The following CCBE1 variants were observed in gnomAD, a reference collection of about 807,000 sequenced individuals.
The protein encoded by CCBE1 is collagen and calcium-binding EGF domain-containing protein 1.
A neutral mutation model predicts 50.0 loss-of-function variants in CCBE1; 37 were observed. That is an observed-to-expected ratio of 0.74 (90% CI 0.57 to 0.97). The LOEUF is 0.97. Ranked by LOEUF, CCBE1 falls within the 50% of genes least tolerant of loss-of-function variation. The pLI is 0.00. For missense variants in CCBE1, 538 were observed against 523.8 expected (o/e 1.03, Z -0.26); for synonymous variants, 234 against 203.7 (o/e 1.15, Z -1.27).
Position 59,696,685 on chromosome 18 carries a change from G to C in CCBE1, c.156C>G (p.Ile52Met), listed in dbSNP as rs2288598. 1.9e-6 allele frequency: 3 copies of C among 1,614,030 alleles called. No homozygotes were observed. The highest frequency in any genetic ancestry group is 2.5e-6 in the Non-Finnish European group (3 of 1,179,946). Residue 52 changes from isoleucine to methionine, a missense_variant, in exon 2 of 11, where the codon ATC becomes ATG. Ile to Met is a conservative substitution (Grantham distance 10). Transcript: ENST00000439986. The stretch of plus-strand genomic sequence containing the variant: ...TCAGACACGGGTATTTAGTCGTCGC[G>C]ATTTTGCTCTCTGAGCAGATTTCTC... The part of the protein sequence containing the change: ...GDREICSESK[I>M]ATTKYPCLKS...
chr18:59,592,328 A>G (rs560255229), intron 2 of CCBE1, among the ~76,000 whole-genome samples: 5 of 152,370 alleles, frequency 3.3e-5, no homozygotes, highest in South Asian at 2.1e-4. Flanking sequence ...CCTAGCCCCA[A>G]AAAATCTCAT....
intron 2 of CCBE1, among the ~76,000 whole-genome samples, chr18:59,596,566 T>C (rs1181542741): frequency 6.6e-6 from 1 of 152,198 alleles, no homozygotes; most frequent in East Asian, 1.9e-4. Flanking sequence ...AGCAAATAAC[T>C]TCAGTCTTAA....
intron 2 of CCBE1, among the ~76,000 whole-genome samples, chr18:59,629,644 G>T (rs948726709): frequency 4.6e-5 from 7 of 152,194 alleles, no homozygotes; most frequent in African/African-American, 1.7e-4. Context: ...CCATCAAGAA[G>T]TCACTTGCTT....
intron 2 of CCBE1, among the ~76,000 whole-genome samples, chr18:59,658,258 G>GGCA (rs1182921328): frequency 7.8e-6 from 1 of 127,436 alleles, no homozygotes; most frequent in Non-Finnish European, 1.6e-5. Context: ...GGGATGCCGA[G>GGCA]GCAGGATCCC....
At position 59,438,074 on chromosome 18, in the gene CCBE1, G is replaced by A. The variant is rs183329787; in HGVS notation, c.987+37C>T. ...TCATCAGAGCTGCATCCCTGAGAAC[G>A]TTCCCCTGGGGAAGCAGGACACAGA... On this transcript the variant is annotated intron_variant, in intron 10 of 10. Coordinates refer to ENST00000439986, the MANE Select transcript of CCBE1 (RefSeq NM_133459.4). 109 of 1,611,464 alleles carry A rather than the reference G, an allele frequency of 6.8e-5. 1 individual carries two copies. The highest frequency in any genetic ancestry group is 1.7e-4 in the Middle Eastern group (1 of 6,054).
intron 2 of CCBE1, among the ~76,000 whole-genome samples, chr18:59,557,993 A>G (rs983563578): frequency 6.6e-6 from 1 of 152,172 alleles, no homozygotes; most frequent in African/African-American, 2.4e-5. Flanking sequence ...AAGACATAAC[A>G]TGGTAAGTGT....
At chr18:59,666,364 C>G (rs757073127) in intron 2 of CCBE1, among the ~76,000 whole-genome samples, 1 of 152,162 alleles carries the variant, frequency 6.6e-6, no homozygotes, top group Non-Finnish European at 1.5e-5. Flanking sequence ...CCATATCAGA[C>G]TCCAATCCTG....
Position 59,433,763 on chromosome 18 carries a change from C to G in CCBE1, c.*2145G>C, listed in dbSNP as rs1431189774. 1.3e-5 allele frequency: 2 copies of G among 152,016 alleles called. No homozygotes were observed. The highest frequency in any genetic ancestry group is 1.5e-5 in the Non-Finnish European group (1 of 68,076). The allele number at this position is 152,016 out of a possible 1,614,324, so 9.4% of individuals were successfully genotyped here. A position where few individuals can be genotyped will look rare whatever the true frequency, so the allele number is the denominator to read the frequency against. Reference sequence around the variant, plus strand: ...GGGACCACAGGCGCCCACCACCACGCCCGACTAATTTTTTGTGTTTTTAGT... The same window carrying G: ...GGGACCACAGGCGCCCACCACCACGGCCGACTAATTTTTTGTGTTTTTAGT... On this transcript the variant is annotated 3_prime_UTR_variant, in exon 11 of 11. Transcript: ENST00000439986.
rs608312 is a variant in CCBE1 at position 59,476,837 on chromosome 18, T to A, written c.265+3349A>T. 2.6e-5 allele frequency among the ~76,000 whole-genome samples: 4 copies of A among 152,248 alleles called. No individual in the cohort carries two copies. The South Asian group carries it at 8.3e-4, about 32-fold the overall frequency. On this transcript the variant is annotated intron_variant, in intron 3 of 10. Transcript: ENST00000439986. The stretch of plus-strand genomic sequence containing the variant: ...TCAGGTTCACCAGGAGGATATATAT[T>A]CTCTGAATCAGTATCCAACATATGG...
At chr18:59,615,529 A>G (rs2053625043) in intron 2 of CCBE1, among the ~76,000 whole-genome samples, 1 of 151,020 alleles carries the variant, frequency 6.6e-6, no homozygotes, top group Non-Finnish European at 1.5e-5. Context: ...AGAGATCTTT[A>G]AGGTGTTTTC....
At chr18:59,540,008 G>C (rs896842303) in intron 2 of CCBE1, among the ~76,000 whole-genome samples, 9 of 152,122 alleles carry the variant, frequency 5.9e-5, no homozygotes, top group Non-Finnish European at 1.2e-4. Context: ...AATTCTCTTT[G>C]ATGAATTTAG....
At chr18:59,470,795 C>T (rs1401002664) in intron 3 of CCBE1, among the ~76,000 whole-genome samples, 1 of 152,166 alleles carries the variant, frequency 6.6e-6, no homozygotes, top group Non-Finnish European at 1.5e-5. Context: ...TATACTTGGA[C>T]ACAGAGCGAG....
At chr18:59,637,279 C>T (rs1381696047) in intron 2 of CCBE1, among the ~76,000 whole-genome samples, 3 of 152,172 alleles carry the variant, frequency 2.0e-5, no homozygotes, top group Non-Finnish European at 1.5e-5. Context: ...CTATTAGTCT[C>T]TCACGTTTTA....
At chr18:59,520,388 T>G (rs898535242) in intron 2 of CCBE1, among the ~76,000 whole-genome samples, 2 of 152,216 alleles carry the variant, frequency 1.3e-5, no homozygotes, top group African/African-American at 4.8e-5. Context: ...TTCCTTTGCA[T>G]CCCTTGGTCC....
chr18:59,612,817 T>C (rs899687188), intron 2 of CCBE1, among the ~76,000 whole-genome samples: 3 of 109,606 alleles, frequency 2.7e-5, no homozygotes, highest in Non-Finnish European at 3.8e-5. Flanking sequence ...TCTCAAGGGT[T>C]TTTTTTTTGT....
intron 2 of CCBE1, among the ~76,000 whole-genome samples, chr18:59,622,355 G>A (rs573262708): frequency 2.0e-5 from 3 of 152,282 alleles, no homozygotes; most frequent in East Asian, 1.9e-4. Context: ...AGTTAGCTGG[G>A]TGTGGTGGCG....
At chr18:59,612,785 G>A (rs2053588464) in intron 2 of CCBE1, among the ~76,000 whole-genome samples, 1 of 145,196 alleles carries the variant, frequency 6.9e-6, no homozygotes. Context: ...ACTCAAAGTA[G>A]TAGGGAAAAG....
At chr18:59,546,449 T>TAAAAA (rs1915686119) in intron 2 of CCBE1, among the ~76,000 whole-genome samples, 6 of 152,240 alleles carry the variant, frequency 3.9e-5, no homozygotes, top group Admixed American at 3.9e-4. Context: ...TAAGGGTTTG[T>TAAAAA]ACAGTGGGGT....
chr18:59,487,156 T>A (rs1191444440), intron 2 of CCBE1, among the ~76,000 whole-genome samples: 2 of 149,096 alleles, frequency 1.3e-5, no homozygotes, highest in Admixed American at 6.8e-5. Flanking sequence ...CACTGTCAAC[T>A]ACTCAGGCCT....
Sources: allele counts gnomAD v4.1 joint callset (sites outside exome capture counted in the v4.1 genomes callset), GRCh38; gene constraint gnomAD v4.1.1; transcripts MANE v1.5; gene names NCBI Gene and HGNC (gene_info 2026-07-23, HGNC 2026-07-21).